The following ZNRF2 variants were observed in gnomAD, a reference collection of about 807,000 sequenced individuals.
The protein encoded by ZNRF2 is E3 ubiquitin-protein ligase ZNRF2.
Under a neutral mutation model 20.4 loss-of-function variants are expected in ZNRF2, and 16 were observed. That is an observed-to-expected ratio of 0.79 (90% CI 0.53 to 1.19). The LOEUF is 1.19. ZNRF2 is among the 50% of genes most tolerant of loss of function. The pLI is 0.00. For synonymous variants in ZNRF2, 178 were observed against 144.9 expected, an observed-to-expected ratio of 1.23 and a Z score of -1.64; for missense variants, 363 against 332.4, an observed-to-expected ratio of 1.09 and a Z score of -0.72.
At position 30,367,358 on chromosome 7, in the gene ZNRF2, T is replaced by G. The variant is rs1800232231; in HGVS notation, c.*1346T>G. ...GTCAGGGCTACAATAGTGAATGTCCTTTTTTTTAATATCAAAAATATCGAT... is the reference window on the plus strand; with the variant it reads ...GTCAGGGCTACAATAGTGAATGTCCGTTTTTTTAATATCAAAAATATCGAT... On this transcript the variant is annotated 3_prime_UTR_variant, in exon 5 of 5. Transcript: ENST00000323037. 6.6e-6 allele frequency: 1 copy of G among 152,128 alleles called. No individual in the cohort carries two copies. Among genetic ancestry groups the G allele is most frequent in the African/African-American group, 2.4e-5 (1 of 41,358 alleles). The allele number at this position is 152,128 out of a possible 1,614,324, so 9.4% of individuals were successfully genotyped here.
At chr7:30,323,455 T>G (rs965817038) in intron 1 of ZNRF2, among the ~76,000 whole-genome samples, 187 bp from the exon 2 acceptor site, 1 of 152,358 alleles carries the variant, frequency 6.6e-6, no homozygotes, top group East Asian at 1.9e-4. Context: ...GAGATCATCT[T>G]CATAAACTGA....
intron 2 of ZNRF2, among the ~76,000 whole-genome samples, chr7:30,327,330 G>C (rs908107207): frequency 6.6e-6 from 1 of 152,086 alleles, no homozygotes; most frequent in African/African-American, 2.4e-5. Context: ...GGAGGTTGGC[G>C]TGGGGTAGGG....
chr7:30,318,980 T>C (rs1351713529), intron 1 of ZNRF2, among the ~76,000 whole-genome samples: 1 of 151,814 alleles, frequency 6.6e-6, no homozygotes, highest in Non-Finnish European at 1.5e-5. Flanking sequence ...GGTGTGGTGG[T>C]GCGTGCCTGT....
chr7:30,314,228 T>C (rs2128060846), intron 1 of ZNRF2, among the ~76,000 whole-genome samples: 1 of 152,332 alleles, frequency 6.6e-6, no homozygotes, highest in Middle Eastern at 3.4e-3. Flanking sequence ...GAAATACCCA[T>C]GTTGCTCAAG....
intron 2 of ZNRF2, among the ~76,000 whole-genome samples, chr7:30,333,888 G>C (rs1289247740): frequency 6.6e-6 from 1 of 152,128 alleles, no homozygotes; most frequent in African/African-American, 2.4e-5. Flanking sequence ...ATAGATTCAG[G>C]ATATTAGTCC....
intron 2 of ZNRF2, among the ~76,000 whole-genome samples, chr7:30,344,141 C>G (rs549520578): frequency 6.6e-6 from 1 of 151,596 alleles, no homozygotes; most frequent in African/African-American, 2.4e-5. Context: ...AGGCTGGTCT[C>G]GAACTCCTGA....
At chr7:30,317,970 A>G (rs1799403928) in intron 1 of ZNRF2, among the ~76,000 whole-genome samples, 1 of 152,118 alleles carries the variant, frequency 6.6e-6, no homozygotes, top group South Asian at 2.1e-4. Context: ...ATTGTTTGTC[A>G]TATTCATTGC....
chr7:30,291,473 T>C (rs2128055079), intron 1 of ZNRF2, among the ~76,000 whole-genome samples: 1 of 152,340 alleles, frequency 6.6e-6, no homozygotes, highest in Middle Eastern at 3.4e-3. Flanking sequence ...AGGATTCTTT[T>C]AAAATATAAC....
intron 2 of ZNRF2, among the ~76,000 whole-genome samples, chr7:30,334,353 G>A (rs527794515): frequency 4.1e-4 from 62 of 152,112 alleles, no homozygotes; most frequent in African/African-American, 1.4e-3. Flanking sequence ...ATTGGTCTTT[G>A]TGTCTATTTT....
chr7:30,334,903 T>C (rs1305560067), intron 2 of ZNRF2, among the ~76,000 whole-genome samples: 1 of 151,646 alleles, frequency 6.6e-6, no homozygotes, highest in Admixed American at 6.6e-5. Flanking sequence ...AATTAATCTT[T>C]TTAGAAGCAT....
chr7:30,301,411 T>C (rs936627146), intron 1 of ZNRF2, among the ~76,000 whole-genome samples: 23 of 151,540 alleles, frequency 1.5e-4, no homozygotes, highest in Non-Finnish European at 2.9e-5. Context: ...TAAACCCGGG[T>C]GGTGGAGGTT....
chr7:30,317,000 C>CT (rs369992525), intron 1 of ZNRF2, among the ~76,000 whole-genome samples: 47 of 151,980 alleles, frequency 3.1e-4, no homozygotes, highest in African/African-American at 9.6e-4. Context: ...TTTGCCCCCC[C>CT]TTTTTTTTAC....
At chr7:30,321,358 T>G (rs1331887378) in intron 1 of ZNRF2, among the ~76,000 whole-genome samples, 1 of 152,184 alleles carries the variant, frequency 6.6e-6, no homozygotes, top group Non-Finnish European at 1.5e-5. Flanking sequence ...GTGCAGACAC[T>G]CAGGATCTGT....
At chr7:30,331,644 G>A (rs1022377760) in intron 2 of ZNRF2, among the ~76,000 whole-genome samples, 3 of 152,126 alleles carry the variant, frequency 2.0e-5, no homozygotes, top group Admixed American at 1.3e-4. Flanking sequence ...GTATTTGAAG[G>A]GAAATGCTGG....
At chr7:30,329,060 A>G (rs1382937563) in intron 2 of ZNRF2, among the ~76,000 whole-genome samples, 6 of 152,228 alleles carry the variant, frequency 3.9e-5, no homozygotes, top group Admixed American at 6.5e-5. Flanking sequence ...TTATGAGTAT[A>G]GAGGCTCTCT....
rs1329949507 is a variant in ZNRF2, at chr7:30,365,678, C to T, written c.*23-357C>T. Among the ~76,000 whole-genome samples, 7 of 152,250 alleles carry T rather than the reference C, an allele frequency of 4.6e-5. No individual in the cohort carries two copies. The East Asian group carries it at 1.2e-3, about 25-fold the overall frequency. ...GGCACTGTGTAGCCATAAAGCTCAA[C>T]GTTTCTGATATCCTTCAGCATAAGA... On this transcript the variant is annotated intron_variant, in intron 4 of 4. Coordinates refer to ENST00000323037, the MANE Select transcript of ZNRF2 (RefSeq NM_147128.4).
At chr7:30,349,202 T>C (rs952110575) in intron 2 of ZNRF2, among the ~76,000 whole-genome samples, 4 of 152,330 alleles carry the variant, frequency 2.6e-5, no homozygotes, top group Non-Finnish European at 5.9e-5. Flanking sequence ...ATGTGAGATG[T>C]AGGTATTATC....
At chr7:30,332,425 T>A (rs1583585744) in intron 2 of ZNRF2, among the ~76,000 whole-genome samples, 1 of 152,170 alleles carries the variant, frequency 6.6e-6, no homozygotes, top group Non-Finnish European at 1.5e-5. Context: ...ATTACATTGA[T>A]CTATTGTGTA....
chr7:30,284,932 A>ATGGCGGCGG lies in ZNRF2; in HGVS notation c.-424_-416dup. The ATGGCGGCGG allele has an allele frequency of 3.9e-6, 1 of 256,864 alleles. No homozygotes were observed. Among genetic ancestry groups the ATGGCGGCGG allele is most frequent in the South Asian group, 2.9e-5 (1 of 35,002 alleles). The allele number at this position is 256,864 out of a possible 1,614,324, so 15.9% of individuals were successfully genotyped here. A position where few individuals can be genotyped will look rare whatever the true frequency, so the allele number is the denominator to read the frequency against. ...CGCCAGCCGCCGTGGGAGCCGGAGG[A>ATGGCGGCGG]TGGCGGCGGTAGCAGCGGCCGCCCG... is the stretch of plus-strand genomic sequence containing the variant. On this transcript the variant is annotated 5_prime_UTR_variant, in exon 1 of 5. Coordinates refer to ENST00000323037, the MANE Select transcript of ZNRF2 (RefSeq NM_147128.4).
Sources: gnomAD v4.1 joint callset for allele counts (sites outside exome capture counted in the v4.1 genomes callset) on GRCh38, gnomAD v4.1.1 for gene constraint, MANE v1.5 for transcripts, NCBI Gene and HGNC (gene_info 2026-07-23, HGNC 2026-07-21) for gene names.